Variants in IQCM observed in about 807,000 individuals in gnomAD.
IQCM encodes the protein IQ domain-containing protein M.
IQCM carries 45 observed loss-of-function variants against 57.6 expected under a neutral mutation model. The ratio of observed to expected loss-of-function variants is 0.78; its 90% CI spans 0.62 to 1.00. IQCM has a LOEUF of 1.00. IQCM is among the 50% of genes least tolerant of loss of function. The probability of loss-of-function intolerance (pLI) is 0.00; values close to 1 mark genes in which losing one functional copy is unlikely to be tolerated. For synonymous variants in IQCM, 148 were observed against 158.9 expected, an observed-to-expected ratio of 0.93 and a Z score of 0.51; for missense variants, 468 against 511.6, an observed-to-expected ratio of 0.91 and a Z score of 0.82.
At chr4:149,639,272 A>G (rs889230478) in intron 7 of IQCM, among the ~76,000 whole-genome samples, 3 of 151,908 alleles carry the variant, frequency 2.0e-5, no homozygotes, top group Non-Finnish European at 4.4e-5. Flanking sequence ...CAAAAAATTT[A>G]AAAATTAGCT....
chr4:149,557,746 A>C (rs1203541664), intron 10 of IQCM, among the ~76,000 whole-genome samples: 1 of 152,200 alleles, frequency 6.6e-6, no homozygotes, highest in Non-Finnish European at 1.5e-5. Flanking sequence ...CTCTCACTTA[A>C]CGCTAATCTT....
At chr4:149,537,315 G>T (rs932204068) in intron 12 of IQCM, among the ~76,000 whole-genome samples, 3 of 151,854 alleles carry the variant, frequency 2.0e-5, no homozygotes, top group Non-Finnish European at 4.4e-5. Context: ...GAAAAATACA[G>T]TAATGAAATA....
chr4:149,803,006 G>C (rs909939855), intron 2 of IQCM, among the ~76,000 whole-genome samples: 1 of 151,904 alleles, frequency 6.6e-6, no homozygotes, highest in Non-Finnish European at 1.5e-5. Context: ...TCATGAGTTA[G>C]ACTCTATGAT....
chr4:149,353,266 T>C (rs1728699698), intron 13 of IQCM, among the ~76,000 whole-genome samples: 1 of 152,118 alleles, frequency 6.6e-6, no homozygotes, highest in Admixed American at 6.5e-5. Flanking sequence ...ATGGCTATTA[T>C]CAAAAAGTCT....
chr4:149,395,229 T>C (rs1397938351), intron 13 of IQCM, among the ~76,000 whole-genome samples: 1 of 152,008 alleles, frequency 6.6e-6, no homozygotes, highest in Non-Finnish European at 1.5e-5. Context: ...AGGAAGAAAA[T>C]CCTATTTTCG....
chr4:149,729,043 G>C (rs1483112903), intron 5 of IQCM, among the ~76,000 whole-genome samples: 1 of 152,206 alleles, frequency 6.6e-6, no homozygotes, highest in Admixed American at 6.5e-5. Context: ...AACTCCATTA[G>C]TGAAAGGGAA....
intron 7 of IQCM, among the ~76,000 whole-genome samples, chr4:149,623,465 A>C (rs1313984718): frequency 3.3e-5 from 5 of 152,228 alleles, no homozygotes; most frequent in Non-Finnish European, 7.3e-5. Context: ...TTCAGGAAGC[A>C]GTAAAGCCTC....
chr4:149,511,994 G>A (rs1000396549), intron 12 of IQCM, among the ~76,000 whole-genome samples: 5 of 152,152 alleles, frequency 3.3e-5, no homozygotes, highest in South Asian at 4.1e-4. Flanking sequence ...AGTCCTAGGT[G>A]TTGGGTGCTT....
chr4:149,379,509 C>G (rs1043108206), intron 13 of IQCM, among the ~76,000 whole-genome samples: 1 of 152,304 alleles, frequency 6.6e-6, no homozygotes, highest in Admixed American at 6.5e-5. Context: ...TTTGGACCTT[C>G]AAGATTTAAC....
At chr4:149,628,240 T>A (rs75595047) in intron 7 of IQCM, among the ~76,000 whole-genome samples, 2,591 of 152,214 alleles carry the variant, frequency 0.017, 80 homozygotes, top group African/African-American at 0.06. Flanking sequence ...TATAGAAAAG[T>A]GCTTGGCATT....
intron 8 of IQCM, among the ~76,000 whole-genome samples, chr4:149,588,406 C>T (rs1471728207): frequency 6.6e-6 from 1 of 151,648 alleles, no homozygotes; most frequent in African/African-American, 2.4e-5. Flanking sequence ...GCCAAATATG[C>T]TCTGATAATT....
chr4:149,440,822 C>A (rs562436000), intron 12 of IQCM, among the ~76,000 whole-genome samples: 1 of 151,998 alleles, frequency 6.6e-6, no homozygotes, highest in African/African-American at 2.4e-5. Flanking sequence ...TTTTAGACTT[C>A]GTTTTCCAGA....
In IQCM at chr4:149,682,146, G is replaced by C. The variant is rs1421017460; in HGVS notation, c.537C>G (p.Thr179=). 3.8e-5 allele frequency: 46 copies of C among 1,223,476 alleles called. No individual in the cohort carries two copies. The highest frequency in any genetic ancestry group is 4.5e-5 in the Non-Finnish European group (44 of 980,758). The allele number at this position is 1,223,476 out of a possible 1,614,324, so 75.8% of individuals were successfully genotyped here. The change falls in exon 7 of 14, where the codon ACC becomes ACG. Residue 179 remains threonine (T), a synonymous_variant. Transcript: ENST00000636793. ...FPVHLYLQPG[T]SNLELLKEPD... The stretch of plus-strand genomic sequence containing the variant: ...GTTCTTTCAGAAGTTCCAAGTTAGA[G>C]GTCCCAGGTTGTAAGTAAAGATGGA...
chr4:149,503,823 T>TA (rs1194274573), intron 12 of IQCM, among the ~76,000 whole-genome samples: 1 of 152,080 alleles, frequency 6.6e-6, no homozygotes. Flanking sequence ...AATGTCTACA[T>TA]ATAAAAACAC....
intron 12 of IQCM, among the ~76,000 whole-genome samples, chr4:149,453,034 T>G (rs1156757709): frequency 6.9e-6 from 1 of 144,718 alleles, no homozygotes; most frequent in East Asian, 2.0e-4. Context: ...AAAAAGGAAA[T>G]GAGTAAAAAA....
At chr4:149,689,440 T>G (rs1040735929) in intron 5 of IQCM, among the ~76,000 whole-genome samples, 1 of 151,984 alleles carries the variant, frequency 6.6e-6, no homozygotes, top group Admixed American at 6.6e-5. Flanking sequence ...AAATACTTAA[T>G]GTAGATGACG....
chr4:149,515,046 C>T (rs1250654016), intron 12 of IQCM, among the ~76,000 whole-genome samples: 2 of 147,380 alleles, frequency 1.4e-5, no homozygotes. Flanking sequence ...GTTAATACTG[C>T]TTAATAAACT....
chr4:149,643,140 G>A (rs776424300), intron 7 of IQCM, among the ~76,000 whole-genome samples: 7 of 151,958 alleles, frequency 4.6e-5, no homozygotes, highest in Non-Finnish European at 1.0e-4. Context: ...GGTTTTCTTT[G>A]GGCCAAACTA....
At position 149,723,477 on chromosome 4, in the gene IQCM, T is replaced by C. The variant is rs374521379; in HGVS notation, c.385+9767A>G. Among the ~76,000 whole-genome samples, 11 of 152,200 alleles carry C rather than the reference T, an allele frequency of 7.2e-5. No individual in the cohort carries two copies. The East Asian group carries it at 1.3e-3, about 19-fold the overall frequency. On this transcript the variant is annotated intron_variant, in intron 5 of 13. Coordinates refer to ENST00000636793, the MANE Select transcript of IQCM (RefSeq NM_001363507.2). ...GTATATTCTTTATATTCTTAGTTTGTTGAGGGTTTTTATTGTAAAGGGACG... is the reference window on the plus strand; with the variant it reads ...GTATATTCTTTATATTCTTAGTTTGCTGAGGGTTTTTATTGTAAAGGGACG...
Sources: gnomAD v4.1 joint callset for allele counts (sites outside exome capture counted in the v4.1 genomes callset) on GRCh38, gnomAD v4.1.1 for gene constraint, MANE v1.5 for transcripts, NCBI Gene and HGNC (gene_info 2026-07-23, HGNC 2026-07-21) for gene names.